IQCJ: variants seen among roughly 807,000 people sequenced by gnomAD.
IQCJ encodes the protein IQ domain-containing protein J.
In IQCJ, 9 loss-of-function variants were observed where a neutral mutation model predicts 11.0. The observed-to-expected ratio is 0.82, with a 90% confidence interval of 0.49 to 1.43. The LOEUF (loss-of-function observed/expected upper bound fraction) is 1.43. Among genes scored for constraint, IQCJ ranks in the 40% most tolerant of loss-of-function variants. IQCJ has a pLI of 0.00. For synonymous variants in IQCJ, 55 were observed against 51.3 expected, an observed-to-expected ratio of 1.07 and a Z score of -0.31; for missense variants, 146 against 133.2, an observed-to-expected ratio of 1.10 and a Z score of -0.47.
At chr3:159,119,626 G>GA (rs574708947) in intron 1 of IQCJ, among the ~76,000 whole-genome samples, 2 of 152,216 alleles carry the variant, frequency 1.3e-5, no homozygotes, top group Admixed American at 6.5e-5. Context: ...AGAGAAAGGA[G>GA]ACTAGAGATA....
chr3:159,081,073 CT>C (rs1250671969), intron 1 of IQCJ, among the ~76,000 whole-genome samples: 1 of 151,982 alleles, frequency 6.6e-6, no homozygotes, highest in African/African-American at 2.4e-5. Flanking sequence ...AGACTCCTGC[CT>C]TTTTTCAGAG....
rs77939860 is a variant in IQCJ at position 159,118,182 on chromosome 3, T to C, written c.9+48741T>C. Among the ~76,000 whole-genome samples, 759 of 152,258 alleles carry C rather than the reference T, an allele frequency of 5.0e-3. 5 individuals carry two copies. The highest frequency in any genetic ancestry group is 0.018 in the African/African-American group (737 of 41,556). Reference sequence around the variant, plus strand: ...TTTAAGGTACTAAACTCAAATGATGTAGGTGTTAGCTTAAAAGAGAGAAAT... The same window carrying C: ...TTTAAGGTACTAAACTCAAATGATGCAGGTGTTAGCTTAAAAGAGAGAAAT... On this transcript the variant is annotated intron_variant, in intron 1 of 3. Coordinates refer to ENST00000397832, the MANE Select transcript of IQCJ (RefSeq NM_001042706.3).
At chr3:159,244,891 TG>T (rs775279868) in intron 1 of IQCJ, among the ~76,000 whole-genome samples, 2 of 152,040 alleles carry the variant, frequency 1.3e-5, no homozygotes, top group African/African-American at 4.8e-5. Context: ...CAATTTCTGG[TG>T]GGGGGTAAGT....
intron 1 of IQCJ, among the ~76,000 whole-genome samples, chr3:159,116,634 A>G (rs1282703180): frequency 6.3e-5 from 2 of 31,938 alleles, no homozygotes; most frequent in African/African-American, 3.2e-4. Flanking sequence ...ATATATATAT[A>G]TATATATATA....
At chr3:159,163,346 A>G (rs1338929324) in intron 1 of IQCJ, among the ~76,000 whole-genome samples, 1 of 152,234 alleles carries the variant, frequency 6.6e-6, no homozygotes, top group Admixed American at 6.5e-5. Context: ...CAATAGATGC[A>G]GAAAAGGCCT....
intron 1 of IQCJ, among the ~76,000 whole-genome samples, chr3:159,119,633 GATATAT>G (rs1481985052): frequency 6.6e-6 from 1 of 152,200 alleles, no homozygotes; most frequent in East Asian, 1.9e-4. Flanking sequence ...GGAGACTAGA[GATATAT>G]CAACTGTAAG....
intron 1 of IQCJ, among the ~76,000 whole-genome samples, chr3:159,137,941 T>C (rs1010661951): frequency 6.6e-6 from 1 of 152,248 alleles, no homozygotes; most frequent in Non-Finnish European, 1.5e-5. Context: ...TGTATAGCTC[T>C]CCTTTTGTCT....
intron 1 of IQCJ, among the ~76,000 whole-genome samples, chr3:159,108,146 CT>C (rs1718390565): frequency 6.6e-6 from 1 of 152,086 alleles, no homozygotes; most frequent in Non-Finnish European, 1.5e-5. Context: ...TGTAAGTGGC[CT>C]GCCAGAGGTC....
intron 1 of IQCJ, among the ~76,000 whole-genome samples, chr3:159,120,401 A>G (rs1263163166): frequency 6.6e-6 from 1 of 152,172 alleles, no homozygotes; most frequent in African/African-American, 2.4e-5. Context: ...TTCCTACACA[A>G]TCAGCTGGAA....
At chr3:159,181,793 C>T (rs1397903372) in intron 1 of IQCJ, among the ~76,000 whole-genome samples, 9 of 151,894 alleles carry the variant, frequency 5.9e-5, no homozygotes, top group Non-Finnish European at 1.5e-5. Flanking sequence ...CCTATTGTGA[C>T]TGCCCTGGCT....
At chr3:159,163,100 G>A (rs1228761950) in intron 1 of IQCJ, among the ~76,000 whole-genome samples, 2 of 152,202 alleles carry the variant, frequency 1.3e-5, no homozygotes, top group Non-Finnish European at 2.9e-5. Context: ...TGATACCAAA[G>A]CTGGGCAGAG....
In IQCJ at chr3:159,218,326, G is replaced by A. The variant is rs1375655618; in HGVS notation, c.10-27517G>A. On this transcript the variant is annotated intron_variant, in intron 1 of 3. Coordinates refer to ENST00000397832, the MANE Select transcript of IQCJ (RefSeq NM_001042706.3). ...TGAATAAACAACTATGTAAGAGGGA[G>A]TATAGAGTCCCTCTTTGTGTGTGTG... Among the ~76,000 whole-genome samples the A allele has an allele frequency of 6.1e-5, 9 of 148,670 alleles. No individual in the cohort carries two copies. The East Asian group carries it at 1.2e-3, about 20-fold the overall frequency.
chr3:159,196,516 T>C (rs1157342631), intron 1 of IQCJ, among the ~76,000 whole-genome samples: 1 of 152,172 alleles, frequency 6.6e-6, no homozygotes, highest in African/African-American at 2.4e-5. Flanking sequence ...TTTTTGGAAG[T>C]TCTCCAGGTG....
At chr3:159,093,243 T>C (rs1279509891) in intron 1 of IQCJ, among the ~76,000 whole-genome samples, 1 of 151,842 alleles carries the variant, frequency 6.6e-6, no homozygotes, top group Non-Finnish European at 1.5e-5. Context: ...CGTGACAATT[T>C]GGCAAGAAGC....
intron 1 of IQCJ, among the ~76,000 whole-genome samples, chr3:159,198,861 ATAGAG>A (rs1358014035): frequency 1.3e-5 from 2 of 152,228 alleles, no homozygotes; most frequent in Admixed American, 1.3e-4. Flanking sequence ...ACATTGAACA[ATAGAG>A]TCTTGGAAAA....
At chr3:159,204,384 T>C (rs1480045010) in intron 1 of IQCJ, among the ~76,000 whole-genome samples, 1 of 152,196 alleles carries the variant, frequency 6.6e-6, no homozygotes, top group Non-Finnish European at 1.5e-5. Context: ...CTGCTGAGGC[T>C]GGAATATTTA....
chr3:159,086,897 A>T (rs1177069296), intron 1 of IQCJ, among the ~76,000 whole-genome samples: 1 of 152,072 alleles, frequency 6.6e-6, no homozygotes, highest in East Asian at 1.9e-4. Context: ...TTCCTAATTG[A>T]ATACCCTTTA....
chr3:159,149,109 C>G (rs995972494), intron 1 of IQCJ, among the ~76,000 whole-genome samples: 2 of 152,026 alleles, frequency 1.3e-5, no homozygotes, highest in Admixed American at 1.3e-4. Flanking sequence ...TTTATCCAAT[C>G]TACATTAATT....
Position 159,200,047 on chromosome 3 carries a change from T to A in IQCJ, c.10-45796T>A, listed in dbSNP as rs552094975. Reference sequence around the variant, plus strand: ...GTAAACGACTATATATATATATATATAAATCTAAATTATATATATATGTGT... The same window carrying A: ...GTAAACGACTATATATATATATATAAAAATCTAAATTATATATATATGTGT... On this transcript the variant is annotated intron_variant, in intron 1 of 3. Transcript: ENST00000397832. Among the ~76,000 whole-genome samples the A allele has an allele frequency of 2.1e-4, 30 of 139,916 alleles. 1 individual carries two copies. Among genetic ancestry groups the A allele is most frequent in the African/African-American group, 6.1e-4 (22 of 36,316 alleles). The allele number at this position is 139,916 out of a possible 152,430, so 91.8% of individuals were successfully genotyped here. A position where few individuals can be genotyped will look rare whatever the true frequency, so the allele number is the denominator to read the frequency against.
Sources: gnomAD v4.1 joint callset for allele counts (sites outside exome capture counted in the v4.1 genomes callset) on GRCh38, gnomAD v4.1.1 for gene constraint, MANE v1.5 for transcripts, NCBI Gene and HGNC (gene_info 2026-07-23, HGNC 2026-07-21) for gene names.